NMI: variants seen among roughly 807,000 people sequenced by gnomAD.
NMI encodes N-myc and STAT interactor, also known as N-myc-interactor.
Under a neutral mutation model 34.3 loss-of-function variants are expected in NMI, and 39 were observed. The observed-to-expected ratio is 1.14, with a 90% CI of 0.88 to 1.49. The LOEUF (loss-of-function observed/expected upper bound fraction) is 1.49, where lower values mean the gene tolerates loss of function less well. NMI is among the 40% of genes most tolerant of loss of function. The probability of loss-of-function intolerance (pLI) is 0.00; values close to 1 mark genes in which losing one functional copy is unlikely to be tolerated. For synonymous variants in NMI, 113 were observed against 120.3 expected, an observed-to-expected ratio of 0.94 and a Z score of 0.40; for missense variants, 339 against 358.1, an observed-to-expected ratio of 0.95 and a Z score of 0.43.
chr2:151,273,313 T>C (rs1413788122), intron 6 of NMI, among the ~76,000 whole-genome samples: 2 of 152,196 alleles, frequency 1.3e-5, no homozygotes, highest in Non-Finnish European at 2.9e-5. Context: ...GTTTATGAAG[T>C]ATCTGGCATA....
At position 151,289,641 on chromosome 2, in the gene NMI, C is replaced by T. The variant is rs534586262; in HGVS notation, c.-55G>A. Reference sequence around the variant, plus strand: ...CTCCCCAAGGCCCAGCGCGCCTGCCCTTCCCGGAAAACAGCAGCGCCTGAA... The same window carrying T: ...CTCCCCAAGGCCCAGCGCGCCTGCCTTTCCCGGAAAACAGCAGCGCCTGAA... On this transcript the variant is annotated 5_prime_UTR_variant, in exon 1 of 8. Coordinates refer to ENST00000243346, the MANE Select transcript of NMI (RefSeq NM_004688.3). The T allele has an allele frequency of 3.9e-5, 6 of 152,400 alleles. No homozygotes were observed. The highest frequency in any genetic ancestry group is 7.3e-5 in the Non-Finnish European group (5 of 68,086). 9.4% of individuals were successfully genotyped at this position (152,400 alleles called of 1,614,324 possible).
chr2:151,276,699 G>A (rs1050118539), intron 4 of NMI, among the ~76,000 whole-genome samples: 1 of 152,082 alleles, frequency 6.6e-6, no homozygotes, highest in Non-Finnish European at 1.5e-5. Context: ...ACAAGCACTA[G>A]AGCAATATAT....
intron 1 of NMI, among the ~76,000 whole-genome samples, chr2:151,287,582 T>C (rs1011252410): frequency 1.3e-5 from 2 of 152,096 alleles, no homozygotes; most frequent in Admixed American, 6.6e-5. Context: ...TCTAATGAAA[T>C]CTTACTGTTC....
intron 1 of NMI, 36 bp from the exon 2 acceptor site, chr2:151,282,990 A>T (rs762595919): frequency 1.0e-6 from 1 of 986,506 alleles, no homozygotes; most frequent in Admixed American, 2.7e-5. Flanking sequence ...TAAGCATAGC[A>T]TATATACACA....
intron 1 of NMI, among the ~76,000 whole-genome samples, chr2:151,289,318 A>ATTTC (rs1683575603): frequency 6.6e-6 from 1 of 151,662 alleles, no homozygotes. Context: ...TTATGTTTCA[A>ATTTC]TTTCCTCAAT....
At position 151,283,157 on chromosome 2, in the gene NMI, T is replaced by G. The variant is rs1029202502; in HGVS notation, c.-6-203A>C. Among the ~76,000 whole-genome samples, 69 of 152,108 alleles carry G rather than the reference T, an allele frequency of 4.5e-4. 1 individual carries two copies. Among genetic ancestry groups the G allele is most frequent in the Non-Finnish European group, 7.4e-4 (50 of 68,016 alleles). On this transcript the variant is annotated intron_variant, in intron 1 of 7. Transcript: ENST00000243346. Reference sequence around the variant, plus strand: ...AATAACTCCTTTTTTTTTTCTTTTTTTGAGACAGAGTCTCTCTCTGTCGCC... The same window carrying G: ...AATAACTCCTTTTTTTTTTCTTTTTGTGAGACAGAGTCTCTCTCTGTCGCC...
intron 2 of NMI, among the ~76,000 whole-genome samples, chr2:151,282,418 C>T (rs558191670): frequency 7.2e-5 from 11 of 152,118 alleles, no homozygotes; most frequent in African/African-American, 2.2e-4. Flanking sequence ...ACTGTAATAG[C>T]GGACATATTC....
At position 151,282,174 on chromosome 2, in the gene NMI, C is replaced by A. The variant is rs1683419131; in HGVS notation, c.82-131G>T. On this transcript the variant is annotated intron_variant, in intron 2 of 7. Coordinates refer to ENST00000243346, the MANE Select transcript of NMI (RefSeq NM_004688.3). ...TTAGACAGTCTCAGAATAAATATGA[C>A]TATGTGAATAATGCATTTGTTGAAT... 1.6e-5 allele frequency: 9 copies of A among 576,870 alleles called. No individual in the cohort carries two copies. In the South Asian group the frequency reaches 2.2e-4, roughly 14 times the overall value. The allele number at this position is 576,870 out of a possible 1,614,324, so 35.7% of individuals were successfully genotyped here. A position where few individuals can be genotyped will look rare whatever the true frequency, so the allele number is the denominator to read the frequency against.
At chr2:151,275,311 A>T (rs1037805959) in intron 6 of NMI, among the ~76,000 whole-genome samples, 173 bp downstream of exon 6, 4 of 152,084 alleles carry the variant, frequency 2.6e-5, no homozygotes, top group African/African-American at 9.7e-5. Flanking sequence ...CTTTCCTAGT[A>T]CTGTCCCTGG....
intron 4 of NMI, among the ~76,000 whole-genome samples, chr2:151,276,419 G>A (rs1014083881): frequency 6.6e-5 from 10 of 152,252 alleles, no homozygotes; most frequent in Non-Finnish European, 1.3e-4. Context: ...AAGTTCTCAA[G>A]TTCTAGATTC....
At chr2:151,283,459 C>T (rs567635066) in intron 1 of NMI, among the ~76,000 whole-genome samples, 1 of 152,250 alleles carries the variant, frequency 6.6e-6, no homozygotes, top group South Asian at 2.1e-4. Flanking sequence ...ATAACTTTCA[C>T]ACCTATAATA....
intron 3 of NMI, among the ~76,000 whole-genome samples, chr2:151,279,734 C>T (rs1053476401): frequency 6.6e-6 from 1 of 152,078 alleles, no homozygotes; most frequent in African/African-American, 2.4e-5. Flanking sequence ...CCTTGGTCTC[C>T]CAAAGCGCTG....
chr2:151,274,344 CAAAAAAAAAAAAAAA>C (rs773276443), intron 6 of NMI, among the ~76,000 whole-genome samples: 2 of 54,674 alleles, frequency 3.7e-5, no homozygotes, highest in South Asian at 1.0e-3. Flanking sequence ...CTCTGTCTCA[CAAAAAAAAAAAAAAA>C]AAAAAAAAAA....
In NMI at chr2:151,271,677, G is replaced by T; in HGVS notation, c.690C>A (p.Cys230Ter). 1 of 1,591,082 alleles carries T rather than the reference G, an allele frequency of 6.3e-7. No homozygotes were observed. Among genetic ancestry groups the T allele is most frequent in the Non-Finnish European group, 8.6e-7 (1 of 1,160,770 alleles). The change falls in exon 7 of 8, where the codon TGC becomes TGA. Residue 230 changes from cysteine (C) to a stop codon, truncating the protein, a stop_gained. Transcript: ENST00000243346. LOFTEE classifies it high-confidence loss of function. Reference sequence around the variant, plus strand: ...TGTATGGAGAAACAGTAACTCTATGGCAGGTTTGATTTATATAAAGAGGGT... The same window carrying T: ...TGTATGGAGAAACAGTAACTCTATGTCAGGTTTGATTTATATAAAGAGGGT... The part of the protein sequence containing the change: ...KEYPLYINQT[C>*]HRVTVSPYTE...
chr2:151,283,061 C>T (rs1683434963), intron 1 of NMI, 107 bp from the exon 2 acceptor site: 1 of 500,624 alleles, frequency 2.0e-6, no homozygotes, highest in South Asian at 5.1e-5. Flanking sequence ...CTCTTCTTTG[C>T]TATATCTTTT....
At chr2:151,275,453 G>A in intron 6 of NMI, 31 bp downstream of exon 6, 1 of 1,571,476 alleles carries the variant, frequency 6.4e-7, no homozygotes, top group Admixed American at 1.7e-5. Flanking sequence ...AAATGGCAGA[G>A]TGTCTGTTAA....
chr2:151,285,217 T>C (rs550341956), intron 1 of NMI, among the ~76,000 whole-genome samples: 38 of 152,198 alleles, frequency 2.5e-4, no homozygotes, highest in African/African-American at 8.9e-4. Context: ...AGTAAATATA[T>C]GGAGGATAAT....
In NMI at chr2:151,272,075, C is replaced by CT. The variant is rs111511925; in HGVS notation, c.635-344dup. ...AACCCACTCATCTAACAAGACTGGA[C>CT]TGTTTCCCAGTTTCTCAAAAGCTGT... is the stretch of plus-strand genomic sequence containing the variant. On this transcript the variant is annotated intron_variant, in intron 6 of 7. Transcript: ENST00000243346. Among the ~76,000 whole-genome samples, 386 of 152,302 alleles carry CT rather than the reference C, an allele frequency of 2.5e-3. 1 individual carries two copies. Among genetic ancestry groups the CT allele is most frequent in the African/African-American group, 8.6e-3 (357 of 41,572 alleles).
intron 1 of NMI, among the ~76,000 whole-genome samples, chr2:151,283,337 T>G (rs1683441720): frequency 6.6e-6 from 1 of 152,078 alleles, no homozygotes; most frequent in Non-Finnish European, 1.5e-5. Context: ...AGATGGGGTT[T>G]CACCATGTCG....
Sources: allele counts gnomAD v4.1 joint callset (sites outside exome capture counted in the v4.1 genomes callset), GRCh38; gene constraint gnomAD v4.1.1; transcripts MANE v1.5; gene names NCBI Gene and HGNC (gene_info 2026-07-23, HGNC 2026-07-21).